Variants in MAF observed in about 807,000 individuals in gnomAD.
The protein encoded by MAF is MAF bZIP transcription factor.
Under a neutral mutation model 22.0 loss-of-function variants are expected in MAF, and 10 were observed. The ratio of observed to expected loss-of-function variants is 0.45; its 90% CI spans 0.28 to 0.77. MAF has a LOEUF of 0.77. MAF is among the 30% of genes least tolerant of loss of function. MAF has a pLI of 0.12. For synonymous variants in MAF, 337 were observed against 255.8 expected (o/e 1.32, Z -3.03); for missense variants, 544 against 548.4 (o/e 0.99, Z 0.08).
chr16:79,513,912 G>A, the MAF span, among the ~76,000 whole-genome samples: 1 of 152,116 alleles, frequency 6.6e-6, no homozygotes, highest in South Asian at 2.1e-4. Flanking sequence ...GAATATCTCC[G>A]ATGCAATTCA....
chr16:79,537,537 G>A, the MAF span, among the ~76,000 whole-genome samples: 3 of 152,202 alleles, frequency 2.0e-5, no homozygotes, highest in African/African-American at 4.8e-5. Context: ...TCATGCCTAT[G>A]TTCCTGACCG....
chr16:79,251,923 G>A, the MAF span, among the ~76,000 whole-genome samples: 12 of 152,314 alleles, frequency 7.9e-5, no homozygotes, highest in Admixed American at 2.0e-4. Flanking sequence ...GGTTATCAGT[G>A]GAACCCTTTC....
the MAF span, among the ~76,000 whole-genome samples, chr16:79,267,527 T>G: frequency 4.3e-4 from 66 of 152,282 alleles, no homozygotes; most frequent in East Asian, 0.012. Flanking sequence ...AAGTACCAAG[T>G]GTGAAGATAC....
At chr16:79,403,397 T>C in the MAF span, among the ~76,000 whole-genome samples, 1 of 152,250 alleles carries the variant, frequency 6.6e-6, no homozygotes, top group East Asian at 1.9e-4. Context: ...CAGCCCAGAG[T>C]GCTTGAGACA....
the MAF span, among the ~76,000 whole-genome samples, chr16:79,558,318 G>T: frequency 6.6e-6 from 1 of 152,048 alleles, no homozygotes; most frequent in Non-Finnish European, 1.5e-5. Context: ...AGGGAGGGAG[G>T]CAAAGAGGGA....
the MAF span, among the ~76,000 whole-genome samples, chr16:79,539,666 T>C: frequency 6.6e-6 from 1 of 152,204 alleles, no homozygotes; most frequent in African/African-American, 2.4e-5. Context: ...ATGGAGACAA[T>C]CTAAACATCC....
chr16:79,473,802 G>C, the MAF span, among the ~76,000 whole-genome samples: 2 of 152,082 alleles, frequency 1.3e-5, no homozygotes, highest in Admixed American at 1.3e-4. Flanking sequence ...AGCTGATCTG[G>C]GTGAGGGCTT....
the MAF span, among the ~76,000 whole-genome samples, chr16:79,366,559 G>A: frequency 6.6e-6 from 1 of 152,170 alleles, no homozygotes; most frequent in Non-Finnish European, 1.5e-5. Context: ...ACCATCCCTT[G>A]CAGTTAGGTG....
the MAF span, among the ~76,000 whole-genome samples, chr16:79,400,880 G>A: frequency 1.3e-4 from 20 of 152,354 alleles, no homozygotes; most frequent in South Asian, 4.1e-3. Context: ...GGGGAAGGAG[G>A]AGCTGCCACT....
At chr16:79,409,029 T>A in the MAF span, among the ~76,000 whole-genome samples, 1 of 31,994 alleles carries the variant, frequency 3.1e-5, no homozygotes, top group Non-Finnish European at 6.7e-5. Context: ...CCATAAGGGG[T>A]GGGTGGGTGG....
At chr16:79,388,976 T>G in the MAF span, among the ~76,000 whole-genome samples, 1 of 152,216 alleles carries the variant, frequency 6.6e-6, no homozygotes, top group Non-Finnish European at 1.5e-5. Context: ...TACTGTCCTA[T>G]AAGGAGGCCC....
At chr16:79,404,386 T>C in the MAF span, among the ~76,000 whole-genome samples, 1 of 152,082 alleles carries the variant, frequency 6.6e-6, no homozygotes, top group Non-Finnish European at 1.5e-5. Flanking sequence ...ATAGTCTCGA[T>C]CTCTTGACCT....
chr16:79,517,735 C>T, the MAF span, among the ~76,000 whole-genome samples: 7 of 152,118 alleles, frequency 4.6e-5, no homozygotes, highest in African/African-American at 1.2e-4. Context: ...CCATCATGCC[C>T]GGCTAATTTT....
At chr16:79,269,059 C>T in the MAF span, among the ~76,000 whole-genome samples, 1 of 152,172 alleles carries the variant, frequency 6.6e-6, no homozygotes, top group African/African-American at 2.4e-5. Flanking sequence ...TTGGCCAAAT[C>T]TTTATGGAAA....
chr16:79,218,171 T>C, the MAF span, among the ~76,000 whole-genome samples: 4 of 152,168 alleles, frequency 2.6e-5, no homozygotes, highest in African/African-American at 7.2e-5. Context: ...GTTGTATCTA[T>C]AGATGTTATG....
chr16:79,231,751 G>A, the MAF span, among the ~76,000 whole-genome samples: 1 of 152,068 alleles, frequency 6.6e-6, no homozygotes, highest in East Asian at 1.9e-4. Flanking sequence ...GGAGTTAGGT[G>A]GCAGATGGTT....
chr16:79,318,292 G>A, the MAF span, among the ~76,000 whole-genome samples: 1 of 152,096 alleles, frequency 6.6e-6, no homozygotes. Context: ...TTGTCCTTTG[G>A]GATGCTAAAT....
chr16:79,216,172 C>T, the MAF span, among the ~76,000 whole-genome samples: 9 of 147,300 alleles, frequency 6.1e-5, 1 homozygote, highest in Middle Eastern at 0.01. Flanking sequence ...ATGTCGTGCA[C>T]GTGTATATGT....
At chr16:79,492,926 T>C in the MAF span, among the ~76,000 whole-genome samples, 1 of 152,048 alleles carries the variant, frequency 6.6e-6, no homozygotes, top group South Asian at 2.1e-4. Context: ...ATGATCTATA[T>C]CTTAACATAG....
Sources: gnomAD v4.1 joint callset for allele counts (sites outside exome capture counted in the v4.1 genomes callset) on GRCh38, gnomAD v4.1.1 for gene constraint, MANE v1.5 for transcripts, NCBI Gene and HGNC (gene_info 2026-07-23, HGNC 2026-07-21) for gene names.